EHMT2: variants seen among roughly 807,000 people sequenced by gnomAD.
The protein encoded by EHMT2 is euchromatic histone lysine methyltransferase 2.
Under a neutral mutation model 143.3 loss-of-function variants are expected in EHMT2, and 59 were observed. The ratio of observed to expected loss-of-function variants is 0.41; its 90% confidence interval spans 0.33 to 0.51. EHMT2 has a LOEUF of 0.51. Among genes scored for constraint, EHMT2 ranks in the 20% least tolerant of loss-of-function variants. The pLI, the probability that EHMT2 is intolerant of heterozygous loss-of-function variation, is 0.18. For synonymous variants in EHMT2, 604 were observed against 651.5 expected (o/e 0.93, Z 1.11); for missense variants, 1,174 against 1,645.9 (o/e 0.71, Z 4.96).
rs768886341 is a variant in EHMT2 at position 31,886,564 on chromosome 6, C to G, written c.2343+17G>C. On this transcript the variant is annotated intron_variant, in intron 18 of 27. Transcript: ENST00000375537. ...GCACCAGGGACCCAGAGGGGCTGGG[C>G]TGGGTGGGCCGCTGACCTGGGCGTT... 6.2e-7 allele frequency: 1 copy of G among 1,604,808 alleles called. No individual in the cohort carries two copies.
At chr6:31,890,618 C>T (rs1341125638) in intron 7 of EHMT2, among the ~76,000 whole-genome samples, 2 of 149,628 alleles carry the variant, frequency 1.3e-5, no homozygotes, top group Non-Finnish European at 3.0e-5. Flanking sequence ...GTAATCCCAG[C>T]GCTTTGGGAG....
chr6:31,894,693 G>C (rs760715388), intron 4 of EHMT2, among the ~76,000 whole-genome samples: 1 of 151,998 alleles, frequency 6.6e-6, no homozygotes, highest in Non-Finnish European at 1.5e-5. Flanking sequence ...TTTGAGTCTC[G>C]CTCTGTTGCC....
Position 31,888,005 on chromosome 6 carries a change from G to A in EHMT2, c.1745+36C>T. 6.4e-7 allele frequency: 1 copy of A among 1,566,882 alleles called. No individual in the cohort carries two copies. The highest frequency in any genetic ancestry group is 8.7e-7 in the Non-Finnish European group (1 of 1,154,296). On this transcript the variant is annotated intron_variant, in intron 13 of 27. Transcript: ENST00000375537. The surrounding 1 kb of genome is among the most constrained non-coding windows in gnomAD (Gnocchi z 7.4). ...ATGTCCAGGAGCAATAGGGGTGGGGGAGGGAACAGACAGTACAGAAGGGGG... is the reference window on the plus strand; with the variant it reads ...ATGTCCAGGAGCAATAGGGGTGGGGAAGGGAACAGACAGTACAGAAGGGGG...
chr6:31,891,370 G>A (rs567784941), intron 7 of EHMT2, among the ~76,000 whole-genome samples: 1 of 152,312 alleles, frequency 6.6e-6, no homozygotes, highest in Non-Finnish European at 1.5e-5. Context: ...AAATCGGTAA[G>A]TTTTTTTAGG....
At chr6:31,890,738 G>A (rs1216883345) in intron 7 of EHMT2, among the ~76,000 whole-genome samples, 7 of 149,956 alleles carry the variant, frequency 4.7e-5, no homozygotes, top group Non-Finnish European at 5.9e-5. Context: ...GGTGGTGGGT[G>A]CCTGTAATCC....
intron 4 of EHMT2, chr6:31,893,258 A>G: frequency 2.0e-6 from 1 of 488,168 alleles, no homozygotes; most frequent in South Asian, 2.0e-5. Context: ...CCACTGACAG[A>G]TGAATGGATA....
At position 31,888,416 on chromosome 6, in the gene EHMT2, C is replaced by A. The variant is rs768623940; in HGVS notation, c.1456G>T (p.Ala486Ser). ...CAGCAGTGGTGTTTGACCATGCGGG[C>A]GCGGTGGGTCTCACAGAGCACCATC... Residue 486 changes from alanine to serine, a missense_variant, in exon 12 of 28, where the codon GCC becomes TCC. By Grantham distance (99) the Ala-to-Ser change is moderately conservative (BLOSUM62 1). Coordinates refer to ENST00000375537, the Ensembl canonical transcript of EHMT2. This position sits in a 1 kb window ranked among gnomAD's most constrained non-coding sequence, Gnocchi z 7.4. 1.9e-6 allele frequency: 3 copies of A among 1,612,694 alleles called. No homozygotes were observed. Among genetic ancestry groups the A allele is most frequent in the African/African-American group, 1.3e-5 (1 of 74,924 alleles).
At position 31,888,591 on chromosome 6, in the gene EHMT2, G is replaced by A. The variant is rs376352393; in HGVS notation, c.1365+8C>T. ...CCTGGCACCTCTCCCACCAGCCCAC[G>A]GCCCCACCTCTCCGTCCACACTCTC... is the stretch of plus-strand genomic sequence containing the variant. On this transcript the variant is annotated splice_region_variant and intron_variant, in intron 11 of 27. Transcript: ENST00000375537. The surrounding 1 kb of genome is among the most constrained non-coding windows in gnomAD (Gnocchi z 7.4). 1.5e-5 allele frequency: 24 copies of A among 1,611,810 alleles called. No individual in the cohort carries two copies. Among genetic ancestry groups the A allele is most frequent in the African/African-American group, 2.7e-5 (2 of 74,996 alleles).
chr6:31,897,061 C>A, intron 1 of EHMT2, 72 bp from the exon 2 acceptor site: 1 of 1,502,268 alleles, frequency 6.7e-7, no homozygotes, highest in Non-Finnish European at 8.9e-7. Context: ...GATGCCTGGG[C>A]CCTGGGAAGA....
chr6:31,896,393 A>T (rs780613718), exon 4 of EHMT2: 14 of 1,612,902 alleles, frequency 8.7e-6, no homozygotes, highest in Non-Finnish European at 1.1e-5. Context: ...CATACTCAGT[A>T]GCCTCATAGC....
intron 15 of EHMT2, among the ~76,000 whole-genome samples, chr6:31,887,344 T>C (rs917803913): frequency 6.6e-6 from 1 of 152,198 alleles, no homozygotes; most frequent in Non-Finnish European, 1.5e-5. Context: ...GCAAGGTCCC[T>C]AACCTCTCTG....
Position 31,883,785 on chromosome 6 carries a change from G to A in EHMT2, c.2916+21C>T. 6.2e-7 allele frequency: 1 copy of A among 1,610,742 alleles called. No individual in the cohort carries two copies. The highest frequency in any genetic ancestry group is 8.5e-7 in the Non-Finnish European group (1 of 1,178,310). On this transcript the variant is annotated intron_variant, in intron 22 of 27. Coordinates refer to ENST00000375537, the Ensembl canonical transcript of EHMT2. This position sits in a 1 kb window ranked among gnomAD's most constrained non-coding sequence, Gnocchi z 5.6. ...GCAGCTCTCGGTGTCCTTTTGGGGA[G>A]GCCCCGGGCCCCCTACTCACCTGCA...
chr6:31,883,209 C>A lies in EHMT2; in HGVS notation c.2994+153G>T. ...CACACGCCCATCGCTGTCCCAGCCA[C>A]ATCCCAGGATTCCCAGGCCTTGCCC... On this transcript the variant is annotated intron_variant, in intron 23 of 27. Coordinates refer to ENST00000375537, the Ensembl canonical transcript of EHMT2. The surrounding 1 kb of genome is among the most constrained non-coding windows in gnomAD (Gnocchi z 5.6). The A allele has an allele frequency of 1.1e-6, 1 of 913,058 alleles. No individual in the cohort carries two copies. The highest frequency in any genetic ancestry group is 1.7e-6 in the Non-Finnish European group (1 of 586,220). The allele number at this position is 913,058 out of a possible 1,614,324, so 56.6% of individuals were successfully genotyped here. A position where few individuals can be genotyped will look rare whatever the true frequency, so the allele number is the denominator to read the frequency against.
Position 31,889,580 on chromosome 6 carries a change from T to A in EHMT2, c.887A>T (p.Glu296Val). ...CTCCTCCTCCTCTTCACTTAGTTGT[T>A]CAGTTAGAGCTTCAACTTCAGACTG... Residue 296 changes from glutamate (E) to valine (V), a missense_variant, in exon 8 of 28, where the codon GAA becomes GTA. Physicochemically the swap from Glu to Val is moderately radical, Grantham distance 121. Coordinates refer to ENST00000375537, the Ensembl canonical transcript of EHMT2. The surrounding 1 kb of genome is among the most constrained non-coding windows in gnomAD (Gnocchi z 5.1). 6.2e-7 allele frequency: 1 copy of A among 1,611,316 alleles called. No individual in the cohort carries two copies. Among genetic ancestry groups the A allele is most frequent in the Non-Finnish European group, 8.5e-7 (1 of 1,179,992 alleles).
At position 31,881,430 on chromosome 6, in the gene EHMT2, G is replaced by GA. The variant is rs1764096743; in HGVS notation, c.3198-339dup. Reference sequence around the variant, plus strand: ...GGCAGGAATGGGCGATATGGAACAGGAGAGGGGCCAGGACTGCAGGAAGAG... The same window carrying GA: ...GGCAGGAATGGGCGATATGGAACAGGAAGAGGGGCCAGGACTGCAGGAAGAG... On this transcript the variant is annotated intron_variant, in intron 25 of 27. Transcript: ENST00000375537. This position sits in a 1 kb window ranked among gnomAD's most constrained non-coding sequence, Gnocchi z 4.8. The GA allele has an allele frequency of 1.4e-5, 6 of 440,954 alleles. No individual in the cohort carries two copies. In the East Asian group the frequency reaches 2.6e-4, roughly 19 times the overall value. 27.3% of individuals were successfully genotyped at this position (440,954 alleles called of 1,614,324 possible).
chr6:31,896,629 A>C, exon 3 of EHMT2: 1 of 1,586,128 alleles, frequency 6.3e-7, no homozygotes, highest in Non-Finnish European at 8.6e-7. Flanking sequence ...GCCCCCACGG[A>C]GGTCCCCATC....
Position 31,884,297 on chromosome 6 carries a change from G to A in EHMT2, c.2771+95C>T. On this transcript the variant is annotated intron_variant, in intron 21 of 27. Coordinates refer to ENST00000375537, the Ensembl canonical transcript of EHMT2. This position sits in a 1 kb window ranked among gnomAD's most constrained non-coding sequence, Gnocchi z 7.3. ...CTGGGGATTCAGTGGTGCATGGGGA[G>A]GGGTTGGGGAATGTTGTGAGGATGC... 2 of 1,416,764 alleles carry A rather than the reference G, an allele frequency of 1.4e-6. No homozygotes were observed. Among genetic ancestry groups the A allele is most frequent in the Non-Finnish European group, 1.9e-6 (2 of 1,045,646 alleles). 87.8% of individuals were successfully genotyped at this position (1,416,764 alleles called of 1,614,324 possible).
chr6:31,896,347 T>A (rs1325995613), exon 4 of EHMT2: 1 of 1,611,202 alleles, frequency 6.2e-7, no homozygotes, highest in Non-Finnish European at 8.5e-7. Flanking sequence ...CTGGAGGGGG[T>A]TCAGACCCTG....
At position 31,889,998 on chromosome 6, in the gene EHMT2, T is replaced by A. The variant is rs1335138976; in HGVS notation, c.865-396A>T. Among the ~76,000 whole-genome samples the A allele has an allele frequency of 6.6e-6, 1 of 152,194 alleles. No individual in the cohort carries two copies. The highest frequency in any genetic ancestry group is 1.5e-5 in the Non-Finnish European group (1 of 68,028). ...TCAGGCTGACATCACCTGAACCCAC[T>A]GGTCAATCTTATCACTAACAAGAAA... On this transcript the variant is annotated intron_variant, in intron 7 of 27. Coordinates refer to ENST00000375537, the Ensembl canonical transcript of EHMT2. The surrounding 1 kb of genome is among the most constrained non-coding windows in gnomAD (Gnocchi z 5.1).
Sources: allele counts gnomAD v4.1 joint callset (sites outside exome capture counted in the v4.1 genomes callset), GRCh38; gene constraint gnomAD v4.1.1; non-coding constraint Gnocchi (gnomAD v3.1); transcripts MANE v1.5; gene names NCBI Gene and HGNC (gene_info 2026-07-23, HGNC 2026-07-21).